The following SORBS2 variants were observed in gnomAD, a reference collection of about 807,000 sequenced individuals.
The protein encoded by SORBS2 is sorbin and SH3 domain containing 2.
Under a neutral mutation model 97.7 loss-of-function variants are expected in SORBS2, and 46 were observed. The observed-to-expected ratio is 0.47, with a 90% confidence interval of 0.37 to 0.60. The LOEUF is 0.60. Ranked by LOEUF, SORBS2 falls within the 20% of genes least tolerant of loss-of-function variation. The pLI is 0.00. For missense variants in SORBS2, 1,316 were observed against 1,282.3 expected (o/e 1.03, Z -0.40); for synonymous variants, 476 against 473.4 (o/e 1.01, Z -0.07).
chr4:185,654,742 A>C (rs1425725278), intron 1 of SORBS2, among the ~76,000 whole-genome samples: 1 of 152,246 alleles, frequency 6.6e-6, no homozygotes, highest in East Asian at 1.9e-4. Context: ...CTCAAATTTC[A>C]GGAAGTTTAC....
chr4:185,857,947 G>C (rs1198274589), intron 1 of SORBS2, among the ~76,000 whole-genome samples: 2 of 152,162 alleles, frequency 1.3e-5, no homozygotes, highest in African/African-American at 4.8e-5. Flanking sequence ...CCCTTGCCTT[G>C]TGATCTTGCT....
intron 12 of SORBS2, 50 bp from the exon 25 acceptor site, chr4:185,593,985 T>C (rs749270440): frequency 8.2e-7 from 1 of 1,225,182 alleles, no homozygotes; most frequent in Non-Finnish European, 1.2e-6. Flanking sequence ...TGGTACTAAT[T>C]AAAAGATAAT....
At chr4:185,793,212 T>C (rs933959703) in intron 1 of SORBS2, among the ~76,000 whole-genome samples, 22 of 152,232 alleles carry the variant, frequency 1.4e-4, no homozygotes, top group African/African-American at 4.8e-4. Context: ...CCAAATTCTG[T>C]TGGGAAAAGA....
chr4:185,899,399 G>A (rs960035126), intron 1 of SORBS2, among the ~76,000 whole-genome samples: 1 of 151,264 alleles, frequency 6.6e-6, no homozygotes. Flanking sequence ...TGTCGTTCTC[G>A]AAAATCTTTT....
Position 185,654,634 on chromosome 4 carries a change from C to T in SORBS2, c.25-1906G>A, listed in dbSNP as rs1007275114. Among the ~76,000 whole-genome samples, 73 of 152,276 alleles carry T rather than the reference C, an allele frequency of 4.8e-4. 1 individual carries two copies. Among genetic ancestry groups the T allele is most frequent in the Admixed American group, 2.7e-3 (42 of 15,298 alleles). The stretch of plus-strand genomic sequence containing the variant: ...AAAATAAAATACGAAAACTCTATGT[C>T]CCTTTCTAAAAGAAGTACTCTAAGC... On this transcript the variant is annotated intron_variant, in intron 1 of 14. Coordinates refer to ENST00000418609, the Ensembl canonical transcript of SORBS2.
chr4:185,655,985 A>G (rs1164158824), intron 1 of SORBS2, among the ~76,000 whole-genome samples: 1 of 152,234 alleles, frequency 6.6e-6, no homozygotes, highest in Non-Finnish European at 1.5e-5. Flanking sequence ...CACAAAACCA[A>G]TGACACCATT....
intron 2 of SORBS2, among the ~76,000 whole-genome samples, chr4:185,767,057 T>C (rs2098938005): frequency 6.6e-6 from 1 of 152,200 alleles, no homozygotes; most frequent in Non-Finnish European, 1.5e-5. Context: ...AACATTTGGC[T>C]CATTATACTA....
intron 2 of SORBS2, among the ~76,000 whole-genome samples, chr4:185,709,562 C>A (rs2098399392): frequency 6.6e-6 from 1 of 152,010 alleles, no homozygotes; most frequent in South Asian, 2.1e-4. Context: ...ATGTCTACCC[C>A]TACATTTAAA....
chr4:185,590,352 TA>T (rs929972654), intron 13 of SORBS2, among the ~76,000 whole-genome samples: 9 of 152,176 alleles, frequency 5.9e-5, no homozygotes, highest in Admixed American at 2.0e-4. Context: ...AAAGGAAAAT[TA>T]TTTTTTTTAC....
At chr4:185,604,858 A>G (rs2096369144) in intron 12 of SORBS2, among the ~76,000 whole-genome samples, 1 of 152,122 alleles carries the variant, frequency 6.6e-6, no homozygotes. Flanking sequence ...AATGACTGTA[A>G]CTTGCGTGTA....
At chr4:185,702,524 G>A (rs1009921528) in intron 2 of SORBS2, among the ~76,000 whole-genome samples, 1 of 152,108 alleles carries the variant, frequency 6.6e-6, no homozygotes, top group Admixed American at 6.5e-5. Flanking sequence ...ATTGGGGATC[G>A]AATTTCAACA....
intron 12 of SORBS2, among the ~76,000 whole-genome samples, chr4:185,611,322 GTATATT>G (rs2096534498): frequency 6.6e-6 from 1 of 151,528 alleles, no homozygotes; most frequent in Admixed American, 6.6e-5. Context: ...TTTGTGTTGT[GTATATT>G]TATATTTCAA....
chr4:185,827,799 C>G (rs572231874), intron 1 of SORBS2, among the ~76,000 whole-genome samples: 3 of 143,356 alleles, frequency 2.1e-5, no homozygotes, highest in Non-Finnish European at 4.6e-5. Context: ...TCACCATCAT[C>G]GTCATCATCA....
intron 2 of SORBS2, among the ~76,000 whole-genome samples, chr4:185,717,894 C>T (rs920526346): frequency 7.9e-5 from 12 of 152,248 alleles, no homozygotes; most frequent in African/African-American, 2.2e-4. Flanking sequence ...ACTATAAAAC[C>T]GAAATACGTT....
intron 1 of SORBS2, among the ~76,000 whole-genome samples, chr4:185,819,493 T>C (rs1300335939): frequency 6.6e-6 from 1 of 152,226 alleles, no homozygotes; most frequent in Non-Finnish European, 1.5e-5. Flanking sequence ...AAAAACGTGG[T>C]CTTTTCAGCC....
At chr4:185,757,644 C>T (rs770868805) in intron 2 of SORBS2, among the ~76,000 whole-genome samples, 1 of 128,142 alleles carries the variant, frequency 7.8e-6, no homozygotes, top group Non-Finnish European at 1.8e-5. Flanking sequence ...ACTGTCTCAA[C>T]TCCTTCCAGG....
chr4:185,759,051 C>T (rs568823535), intron 2 of SORBS2, among the ~76,000 whole-genome samples: 1 of 152,314 alleles, frequency 6.6e-6, no homozygotes, highest in South Asian at 2.1e-4. Context: ...CAAGGTTGTT[C>T]ACTGATGTGT....
chr4:185,809,323 G>A (rs1170741742), intron 1 of SORBS2, among the ~76,000 whole-genome samples: 3 of 149,960 alleles, frequency 2.0e-5, no homozygotes, highest in Non-Finnish European at 4.4e-5. Context: ...TCAGAAGTAA[G>A]ATTCAGATGT....
At chr4:185,599,324 C>T (rs955094083) in intron 12 of SORBS2, among the ~76,000 whole-genome samples, 1 of 152,262 alleles carries the variant, frequency 6.6e-6, no homozygotes, top group South Asian at 2.1e-4. Flanking sequence ...GGCTGCATTC[C>T]TTAGAATTGA....
Sources: gnomAD v4.1 joint callset for allele counts (sites outside exome capture counted in the v4.1 genomes callset) on GRCh38, gnomAD v4.1.1 for gene constraint, MANE v1.5 for transcripts, NCBI Gene and HGNC (gene_info 2026-07-23, HGNC 2026-07-21) for gene names.